The following UGT2B4 variants were observed in gnomAD, a reference collection of about 807,000 sequenced individuals.
The protein encoded by UGT2B4 is UDP-glucuronosyltransferase 2B4.
In UGT2B4, 49 loss-of-function variants were observed where a neutral mutation model predicts 49.8. That is an observed-to-expected ratio of 0.98 (90% CI 0.78 to 1.25). The LOEUF is 1.25. Ranked by LOEUF, UGT2B4 falls within the 50% of genes most tolerant of loss-of-function variation. The pLI is 0.00. For missense variants in UGT2B4, 729 were observed against 627.7 expected (o/e 1.16, Z -1.73); for synonymous variants, 246 against 217.7 (o/e 1.13, Z -1.14).
rs113355190 is a variant in UGT2B4, at chr4:69,508,262, A to G, written c.-105-12296T>C. Among the ~76,000 whole-genome samples the G allele has an allele frequency of 6.6e-5, 10 of 152,358 alleles. 1 individual carries two copies. Among genetic ancestry groups the G allele is most frequent in the African/African-American group, 2.4e-4 (10 of 41,584 alleles). Reference sequence around the variant, plus strand: ...ACACTATATACTTTGGGGAGTATAAATTAATTCAATCATCATGGAAGACAG... The same window carrying G: ...ACACTATATACTTTGGGGAGTATAAGTTAATTCAATCATCATGGAAGACAG... On this transcript the variant is annotated intron_variant, in intron 1 of 1. Coordinates refer to the UGT2B4 transcript ENST00000510114.
intron 1 of UGT2B4, among the ~76,000 whole-genome samples, chr4:69,515,914 T>C (rs924902699): frequency 1.3e-5 from 2 of 152,204 alleles, no homozygotes; most frequent in African/African-American, 4.8e-5. Context: ...ACATGTACCA[T>C]AGTGGTTTGC....
intron 3 of UGT2B4, among the ~76,000 whole-genome samples, chr4:69,488,912 C>T (rs1228702738): frequency 6.6e-6 from 1 of 151,948 alleles, no homozygotes; most frequent in African/African-American, 2.4e-5. Flanking sequence ...TGAATAGTAC[C>T]CTGAATATCA....
intron 1 of UGT2B4, among the ~76,000 whole-genome samples, chr4:69,504,423 G>T (rs991305934): frequency 6.6e-6 from 1 of 152,066 alleles, no homozygotes; most frequent in African/African-American, 2.4e-5. Flanking sequence ...GATAGAGCTG[G>T]AAATTATACC....
intron 3 of UGT2B4, among the ~76,000 whole-genome samples, chr4:69,488,357 A>G (rs1050624159): frequency 6.6e-6 from 1 of 152,130 alleles, no homozygotes; most frequent in Admixed American, 6.6e-5. Context: ...AGACATTTTT[A>G]TGTTTAAGTT....
intron 1 of UGT2B4, among the ~76,000 whole-genome samples, chr4:69,503,365 C>T (rs1728391773): frequency 6.6e-6 from 1 of 152,160 alleles, no homozygotes; most frequent in South Asian, 2.1e-4. Context: ...TGCACCCAGT[C>T]TACATGTTCT....
rs781702716 is a variant in UGT2B4 at position 69,485,319 on chromosome 4, G to A, written c.1199C>T (p.Pro400Leu). 102 of 1,613,898 alleles carry A rather than the reference G, an allele frequency of 6.3e-5. No homozygotes were observed. The highest frequency in any genetic ancestry group is 8.4e-5 in the Non-Finnish European group (99 of 1,179,970). ...MVGVPLFADQ[P>L]DNIAHMKAKG... ...GGCCTTCATGTGTGCAATGTTATCA[G>A]GTTGATCTGCAAACAATGGAACGCC... The change falls in exon 5 of 6, where the codon CCT (proline) becomes CTT (leucine). Residue 400 changes from proline to leucine, a missense_variant. Pro to Leu is a moderately conservative substitution (Grantham distance 98, BLOSUM62 -3). Coordinates refer to ENST00000305107, the MANE Select transcript of UGT2B4 (RefSeq NM_021139.3).
intron 1 of UGT2B4, among the ~76,000 whole-genome samples, chr4:69,511,522 C>G (rs915531290): frequency 2.6e-5 from 4 of 152,040 alleles, no homozygotes; most frequent in African/African-American, 7.2e-5. Context: ...GATGAATGAA[C>G]CTCTTAATAT....
At chr4:69,487,227 TG>T (rs909161329) in intron 3 of UGT2B4, among the ~76,000 whole-genome samples, 1 of 152,226 alleles carries the variant, frequency 6.6e-6, no homozygotes, top group African/African-American at 2.4e-5. Flanking sequence ...ATCCCATTAC[TG>T]GGTATGTATC....
chr4:69,483,287 C>T (rs1298538233), intron 5 of UGT2B4, among the ~76,000 whole-genome samples: 12 of 152,032 alleles, frequency 7.9e-5, no homozygotes, highest in African/African-American at 2.9e-4. Context: ...TTATGACCCT[C>T]CCCATGTAAC....
At chr4:69,495,085 C>T (rs966223161) in intron 1 of UGT2B4, 56 bp downstream of exon 1, 4 of 1,462,780 alleles carry the variant, frequency 2.7e-6, no homozygotes, top group Non-Finnish European at 2.7e-6. Context: ...ACAAACTCAG[C>T]TTCAAAGGTA....
chr4:69,496,452 C>G (rs1275289364), upstream of UGT2B4, among the ~76,000 whole-genome samples: 1 of 152,166 alleles, frequency 6.6e-6, no homozygotes, highest in Non-Finnish European at 1.5e-5. Context: ...TTCCTGCAGT[C>G]TCTTTGACAC....
intron 4 of UGT2B4, 124 bp downstream of exon 4, chr4:69,486,485 A>G: frequency 3.3e-6 from 2 of 601,424 alleles, no homozygotes; most frequent in Non-Finnish European, 5.2e-6. Context: ...ATAAATATAA[A>G]GAAGTTTCAT....
At position 69,493,810 on chromosome 4, in the gene UGT2B4, T is replaced by C. The variant is rs140706351; in HGVS notation, c.753A>G (p.Ala251=). ...TTCGAATAAGCCATATGTCAGCTTT[T>C]GCCATTGTCTCAGATAACGTAGTGG... ...GRPTTLSETM[A]KADIWLIRNY... Residue 251 remains alanine, a synonymous_variant, in exon 2 of 6, where the codon GCA becomes GCG. Coordinates refer to ENST00000305107, the MANE Select transcript of UGT2B4 (RefSeq NM_021139.3). 1.1e-4 allele frequency: 173 copies of C among 1,606,538 alleles called. 2 individuals carry two copies. In the African/African-American group the frequency reaches 2.0e-3, roughly 19 times the overall value.
intron 1 of UGT2B4, among the ~76,000 whole-genome samples, chr4:69,521,896 AT>A (rs1312176663): frequency 6.6e-6 from 1 of 152,216 alleles, no homozygotes; most frequent in Non-Finnish European, 1.5e-5. Flanking sequence ...CATCACAGAA[AT>A]TTTGTCACTG....
intron 1 of UGT2B4, among the ~76,000 whole-genome samples, chr4:69,502,366 T>A (rs913630470): frequency 4.0e-5 from 6 of 151,754 alleles, no homozygotes; most frequent in South Asian, 4.2e-4. Flanking sequence ...GTGTTAGACC[T>A]CCCAACTGGG....
At chr4:69,488,571 T>A (rs959051586) in intron 3 of UGT2B4, among the ~76,000 whole-genome samples, 1 of 152,020 alleles carries the variant, frequency 6.6e-6, no homozygotes, top group African/African-American at 2.4e-5. Flanking sequence ...AAAGAAAATA[T>A]GTTCCTACTA....
chr4:69,487,506 A>G lies in UGT2B4; in HGVS notation c.1003-810T>C, dbSNP rs1193949305. On this transcript the variant is annotated intron_variant, in intron 3 of 5. Transcript: ENST00000305107. ...CAAACACAGGAACAGAAATCCAAAT[A>G]CCACATGCCCTCACTTATAAGTGGA... Among the ~76,000 whole-genome samples the G allele has an allele frequency of 1.2e-4, 18 of 152,118 alleles. 1 individual carries two copies. Among genetic ancestry groups the G allele is most frequent in the Admixed American group, 1.2e-3 (18 of 15,254 alleles).
upstream of UGT2B4, chr4:69,495,906 G>C: frequency 6.5e-7 from 1 of 1,537,442 alleles, no homozygotes; most frequent in Non-Finnish European, 8.7e-7. Context: ...GCTCCTTTCT[G>C]TCATTTCTCA....
In UGT2B4 at chr4:69,495,163, A is replaced by G; in HGVS notation, c.699T>C (p.Asp233=). 1 of 1,569,458 alleles carries G rather than the reference A, an allele frequency of 6.4e-7. No homozygotes were observed. The highest frequency in any genetic ancestry group is 8.6e-7 in the Non-Finnish European group (1 of 1,162,416). ...TACCTAGAACTTCACTGTAGAACTG[A>G]TCCCACTTCTTCATGTCAAATATTT... ...WFQIFDMKKW[D]QFYSEVLGRP... The change falls in exon 1 of 6, where the codon GAT becomes GAC. Residue 233 remains aspartate, a synonymous_variant. Coordinates refer to ENST00000305107, the MANE Select transcript of UGT2B4 (RefSeq NM_021139.3).
Sources: allele counts gnomAD v4.1 joint callset (sites outside exome capture counted in the v4.1 genomes callset), GRCh38; gene constraint gnomAD v4.1.1; transcripts MANE v1.5; gene names NCBI Gene and HGNC (gene_info 2026-07-23, HGNC 2026-07-21).